SLC35F4: variants seen among roughly 807,000 people sequenced by gnomAD.
SLC35F4 encodes the protein solute carrier family 35 member F4.
Under a neutral mutation model 44.2 loss-of-function variants are expected in SLC35F4, and 24 were observed. The observed-to-expected ratio is 0.54, with a 90% CI of 0.39 to 0.76. The LOEUF (loss-of-function observed/expected upper bound fraction) is 0.76, where lower values mean the gene tolerates loss of function less well. Ranked by LOEUF, SLC35F4 falls within the 30% of genes least tolerant of loss-of-function variation. The pLI is 0.00. For synonymous variants in SLC35F4, 238 were observed against 223.6 expected, an observed-to-expected ratio of 1.06 and a Z score of -0.57; for missense variants, 562 against 586.1, an observed-to-expected ratio of 0.96 and a Z score of 0.42.
intron 1 of SLC35F4, among the ~76,000 whole-genome samples, chr14:57,921,391 C>T (rs959567887): frequency 6.6e-6 from 1 of 152,232 alleles, no homozygotes; most frequent in Non-Finnish European, 1.5e-5. Context: ...CCTTCCACAA[C>T]ATGCTAGCTG....
intron 1 of SLC35F4, among the ~76,000 whole-genome samples, chr14:57,844,166 A>T (rs930351827): frequency 6.6e-6 from 1 of 152,220 alleles, no homozygotes; most frequent in Non-Finnish European, 1.5e-5. Flanking sequence ...CTTATTAATG[A>T]CACATTTGAG....
intron 1 of SLC35F4, among the ~76,000 whole-genome samples, chr14:57,830,599 A>G (rs1197665280): frequency 2.0e-5 from 3 of 152,214 alleles, no homozygotes; most frequent in East Asian, 3.8e-4. Context: ...TATGAAGCCT[A>G]TAACTTAAAA....
chr14:57,714,205 A>T (rs951199333), intron 1 of SLC35F4, among the ~76,000 whole-genome samples: 3 of 152,188 alleles, frequency 2.0e-5, no homozygotes, highest in Admixed American at 6.5e-5. Context: ...TCTTTGACCC[A>T]TTCCAAAACA....
Position 57,721,005 on chromosome 14 carries a change from T to TATATATATATATATAC in SLC35F4, c.104-126882_104-126881insGTATATATATATATAT, listed in dbSNP as rs1446940518. Among the ~76,000 whole-genome samples the TATATATATATATATAC allele has an allele frequency of 9.8e-4, 122 of 123,958 alleles. 2 individuals are homozygous for TATATATATATATATAC. Among genetic ancestry groups the TATATATATATATATAC allele is most frequent in the Non-Finnish European group, 1.5e-3 (88 of 57,062 alleles). 81.3% of individuals were successfully genotyped at this position (123,958 alleles called of 152,430 possible). A position where few individuals can be genotyped will look rare whatever the true frequency, so the allele number is the denominator to read the frequency against. On this transcript the variant is annotated intron_variant, in intron 1 of 7. Coordinates refer to ENST00000556826, the MANE Select transcript of SLC35F4 (RefSeq NM_001306087.2). ...ATATATATATATATATATATATATATATATATATATGAGTTAATAAACTCC... is the reference window on the plus strand; with the variant it reads ...ATATATATATATATATATATATATATATATATATATATATACATATATATATGAGTTAATAAACTCC...
At position 57,668,602 on chromosome 14, in the gene SLC35F4, T is replaced by G. The variant is rs1046824301; in HGVS notation, c.104-74478A>C. ...TTAAATAGGGAATCCTTTCCCCATT[T>G]CTTGTTTTTGTCAGGGTTGTCAAAG... is the stretch of plus-strand genomic sequence containing the variant. On this transcript the variant is annotated intron_variant, in intron 1 of 7. Transcript: ENST00000556826. 7.2e-5 allele frequency among the ~76,000 whole-genome samples: 11 copies of G among 152,198 alleles called. 1 individual carries two copies. The highest frequency in any genetic ancestry group is 2.0e-4 in the Admixed American group (3 of 15,298).
intron 1 of SLC35F4, among the ~76,000 whole-genome samples, chr14:57,741,023 A>T (rs950011681): frequency 2.6e-5 from 4 of 152,216 alleles, no homozygotes; most frequent in Non-Finnish European, 4.4e-5. Context: ...GAGGGTCCTG[A>T]CTGTTAGAAG....
intron 1 of SLC35F4, among the ~76,000 whole-genome samples, chr14:57,742,208 A>C (rs62003380): frequency 0.071 from 10,790 of 152,288 alleles, 452 homozygotes; most frequent in Non-Finnish European, 0.094. Flanking sequence ...GACAGGATCA[A>C]ATTCACACAT....
At chr14:57,883,138 C>T (rs575076794) in intron 1 of SLC35F4, among the ~76,000 whole-genome samples, 1 of 152,134 alleles carries the variant, frequency 6.6e-6, no homozygotes, top group East Asian at 1.9e-4. Flanking sequence ...GGAACAGACC[C>T]AGACCAAAGC....
intron 1 of SLC35F4, among the ~76,000 whole-genome samples, chr14:57,706,044 A>C (rs752719293): frequency 2.2e-4 from 33 of 152,178 alleles, no homozygotes; most frequent in Non-Finnish European, 4.1e-4. Flanking sequence ...GCCTACTGCA[A>C]TGAGTCTTTG....
intron 1 of SLC35F4, among the ~76,000 whole-genome samples, chr14:57,916,765 T>C (rs1594623180): frequency 1.3e-5 from 2 of 152,308 alleles, no homozygotes; most frequent in East Asian, 3.9e-4. Flanking sequence ...AACCTTAGCA[T>C]CATGTAATAT....
At chr14:57,970,247 T>A (rs891212117) in intron 1 of SLC35F4, among the ~76,000 whole-genome samples, 1 of 152,232 alleles carries the variant, frequency 6.6e-6, no homozygotes, top group Non-Finnish European at 1.5e-5. Context: ...TGGGAGCAAA[T>A]GTATTTGCCT....
chr14:57,913,350 T>C lies in SLC35F4; in HGVS notation n.282+68563A>G, dbSNP rs565269346. On this transcript the variant is annotated intron_variant and non_coding_transcript_variant, in intron 1 of 1. Transcript: ENST00000556568. ...TACCCTTGTTTTTTATTCTTACTTT[T>C]ATCTTCTATACTTTTTCTGCCTTTT... is the stretch of plus-strand genomic sequence containing the variant. Among the ~76,000 whole-genome samples, 5 of 152,234 alleles carry C rather than the reference T, an allele frequency of 3.3e-5. No homozygotes were observed. The East Asian group carries it at 9.6e-4, about 29-fold the overall frequency.
chr14:57,701,001 G>A (rs1165109651), intron 1 of SLC35F4, among the ~76,000 whole-genome samples: 1 of 151,994 alleles, frequency 6.6e-6, no homozygotes, highest in Non-Finnish European at 1.5e-5. Context: ...TTTGTTTGCT[G>A]TCTTTTTTAT....
chr14:57,982,232 C>A (rs1345150591), upstream of SLC35F4: 4 of 152,130 alleles, frequency 2.6e-5, no homozygotes, highest in Non-Finnish European at 5.9e-5. Flanking sequence ...GCTGAGTTGT[C>A]GGAAGCCAGG....
chr14:57,891,843 T>C (rs1595271631), intron 1 of SLC35F4, among the ~76,000 whole-genome samples: 1 of 152,254 alleles, frequency 6.6e-6, no homozygotes, highest in East Asian at 1.9e-4. Flanking sequence ...GCCACTGCAC[T>C]CCAGCCTGGT....
rs543371790 is a variant in SLC35F4 at position 57,778,917 on chromosome 14, A to G, written c.103+86806T>C. 4.6e-4 allele frequency among the ~76,000 whole-genome samples: 70 copies of G among 152,300 alleles called. 1 individual carries two copies. The highest frequency in any genetic ancestry group is 1.6e-3 in the African/African-American group (67 of 41,582). On this transcript the variant is annotated intron_variant, in intron 1 of 7. Transcript: ENST00000556826. Reference sequence around the variant, plus strand: ...AAGGCAGAAATCAAAAAGTTCTTTGAAACCAATGAGAATAATGATACAAAA... The same window carrying G: ...AAGGCAGAAATCAAAAAGTTCTTTGGAACCAATGAGAATAATGATACAAAA...
intron 1 of SLC35F4, among the ~76,000 whole-genome samples, chr14:57,902,438 C>T (rs979985913): frequency 3.9e-5 from 6 of 151,914 alleles, no homozygotes; most frequent in African/African-American, 1.5e-4. Context: ...TAGCGCATGC[C>T]TGTAATCCCA....
chr14:57,741,816 C>T (rs998833662), intron 1 of SLC35F4, among the ~76,000 whole-genome samples: 3 of 152,084 alleles, frequency 2.0e-5, no homozygotes, highest in African/African-American at 7.2e-5. Flanking sequence ...TTAAGGGCAG[C>T]CAGAGAGAAA....
chr14:57,645,336 C>T (rs947445351), intron 1 of SLC35F4, among the ~76,000 whole-genome samples: 3 of 152,192 alleles, frequency 2.0e-5, no homozygotes, highest in Non-Finnish European at 4.4e-5. Context: ...AGGTCCTACA[C>T]ATCCCTTGTA....
Sources: gnomAD v4.1 joint callset for allele counts (sites outside exome capture counted in the v4.1 genomes callset) on GRCh38, gnomAD v4.1.1 for gene constraint, MANE v1.5 for transcripts, NCBI Gene and HGNC (gene_info 2026-07-23, HGNC 2026-07-21) for gene names.